Variants in RIPOR3 observed in about 807,000 individuals in gnomAD.
RIPOR3 encodes the protein RIPOR family member 3, also known as family with sequence similarity 65 member C.
A neutral mutation model predicts 114.3 loss-of-function variants in RIPOR3; 95 were observed. The ratio of observed to expected loss-of-function variants is 0.83; its 90% CI spans 0.70 to 0.99. The LOEUF is 0.99. RIPOR3 is among the 50% of genes least tolerant of loss of function. The pLI is 0.00. For synonymous variants in RIPOR3, 575 were observed against 543.8 expected (o/e 1.06, Z -0.80); for missense variants, 1,252 against 1,266.9 (o/e 0.99, Z 0.18).
At chr20:50,650,736 A>G (rs770707473) in intron 1 of RIPOR3, among the ~76,000 whole-genome samples, 1 of 152,126 alleles carries the variant, frequency 6.6e-6, no homozygotes, top group Non-Finnish European at 1.5e-5. Flanking sequence ...CACTATTGCT[A>G]TTGTTATTAT....
At chr20:50,615,524 C>CAAA (rs11474316) in intron 4 of RIPOR3, among the ~76,000 whole-genome samples, 1,265 of 58,286 alleles carry the variant, frequency 0.022, 33 homozygotes, top group African/African-American at 0.071. Context: ...AATCCTGTCT[C>CAAA]AAAAAAAAAA....
At chr20:50,637,309 C>A (rs1282091956) in intron 1 of RIPOR3, among the ~76,000 whole-genome samples, 1 of 152,130 alleles carries the variant, frequency 6.6e-6, no homozygotes, top group Non-Finnish European at 1.5e-5. Flanking sequence ...CCAGCCTTTG[C>A]CCTGGCTGTG....
chr20:50,587,959 G>C, intron 20 of RIPOR3, 67 bp from the exon 21 acceptor site: 1 of 1,480,948 alleles, frequency 6.8e-7, no homozygotes, highest in Non-Finnish European at 9.4e-7. Flanking sequence ...AGTCCACTTA[G>C]TGGCCCTGCA....
intron 1 of RIPOR3, among the ~76,000 whole-genome samples, chr20:50,678,930 T>G (rs917037571): frequency 6.7e-6 from 1 of 149,672 alleles, no homozygotes; most frequent in African/African-American, 2.5e-5. Context: ...AAAGTGAGAC[T>G]TCATCTCTAC....
chr20:50,608,024 C>T (rs932441138), intron 11 of RIPOR3, among the ~76,000 whole-genome samples: 1 of 152,122 alleles, frequency 6.6e-6, no homozygotes, highest in African/African-American at 2.4e-5. Flanking sequence ...GCCAAGGGGG[C>T]AGCCAGGGTC....
At chr20:50,627,828 C>G (rs2084677379) in intron 2 of RIPOR3, among the ~76,000 whole-genome samples, 1 of 152,190 alleles carries the variant, frequency 6.6e-6, no homozygotes, top group Non-Finnish European at 1.5e-5. Flanking sequence ...AACAGCAGAG[C>G]GTTCAATCAA....
chr20:50,592,689 T>A, intron 18 of RIPOR3, 143 bp from the exon 19 acceptor site: 1 of 756,706 alleles, frequency 1.3e-6, no homozygotes, highest in African/African-American at 1.8e-5. Context: ...CAGCCTGGAC[T>A]AATTTCACAG....
intron 11 of RIPOR3, among the ~76,000 whole-genome samples, chr20:50,606,966 G>A (rs1255941932): frequency 6.6e-6 from 1 of 152,194 alleles, no homozygotes; most frequent in African/African-American, 2.4e-5. Context: ...CTGACCTCGG[G>A]TGATCTGCCC....
intron 1 of RIPOR3, among the ~76,000 whole-genome samples, chr20:50,634,228 C>A (rs1382169288): frequency 6.6e-6 from 1 of 152,102 alleles, no homozygotes; most frequent in African/African-American, 2.4e-5. Flanking sequence ...GCGATCCACC[C>A]ACCTCAGCTT....
At chr20:50,605,824 G>C (rs1026518616) in intron 11 of RIPOR3, among the ~76,000 whole-genome samples, 1 of 152,028 alleles carries the variant, frequency 6.6e-6, no homozygotes, top group Non-Finnish European at 1.5e-5. Flanking sequence ...AGGAAATGGA[G>C]GCTTGGGCCT....
At position 50,630,701 on chromosome 20, in the gene RIPOR3, C is replaced by T. The variant is rs769063821; in HGVS notation, c.122+37G>A. The T allele has an allele frequency of 3.3e-6, 5 of 1,537,684 alleles. 1 individual carries two copies. Among genetic ancestry groups the T allele is most frequent in the Non-Finnish European group, 2.7e-6 (3 of 1,131,462 alleles). ...TTCCCCAGCCCATTAACAAGCCCCA[C>T]CCCTGCACCCCGAAACAGGACACGG... On this transcript the variant is annotated intron_variant, in intron 2 of 21. Coordinates refer to ENST00000327979, the MANE Select transcript of RIPOR3 (RefSeq NM_001290268.2).
At chr20:50,600,054 C>T (rs1264135021) in intron 13 of RIPOR3, among the ~76,000 whole-genome samples, 1 of 152,160 alleles carries the variant, frequency 6.6e-6, no homozygotes, top group East Asian at 1.9e-4. Flanking sequence ...GTGCACGCTA[C>T]CATGCTCAGC....
intron 4 of RIPOR3, among the ~76,000 whole-genome samples, chr20:50,613,787 G>T (rs540686742): frequency 6.6e-6 from 1 of 152,326 alleles, no homozygotes; most frequent in South Asian, 2.1e-4. Flanking sequence ...CATGTGAGAA[G>T]AGGGGCAGGT....
intron 7 of RIPOR3, 91 bp from the exon 8 acceptor site, chr20:50,609,447 C>T (rs900943178): frequency 1.5e-5 from 23 of 1,520,640 alleles, no homozygotes; most frequent in African/African-American, 2.8e-5. Flanking sequence ...AGGCCACAGG[C>T]AGAGAGACGC....
At chr20:50,682,612 A>ATGTGTGTGTGTGTGTGTGTG (rs71190593) in intron 1 of RIPOR3, among the ~76,000 whole-genome samples, 8,717 of 146,834 alleles carry the variant, frequency 0.059, 316 homozygotes, top group Non-Finnish European at 0.066. Flanking sequence ...GTCTCAAAAT[A>ATGTGTGTGTGTGTGTGTGTG]TGTGTGTGTG....
chr20:50,612,975 C>T (rs2123096859), intron 4 of RIPOR3, among the ~76,000 whole-genome samples: 1 of 152,276 alleles, frequency 6.6e-6, no homozygotes, highest in East Asian at 1.9e-4. Context: ...CACCTGTAGT[C>T]CCAGCTACTT....
intron 4 of RIPOR3, among the ~76,000 whole-genome samples, chr20:50,614,410 G>A (rs2084087393): frequency 6.6e-6 from 1 of 152,242 alleles, no homozygotes; most frequent in Admixed American, 6.5e-5. Context: ...CTGGTGGCCT[G>A]TTCTGCACAT....
rs750548535 is a variant in RIPOR3 at position 50,592,460 on chromosome 20, G to C, written c.2461C>G (p.Leu821Val). The C allele has an allele frequency of 2.5e-6, 4 of 1,612,064 alleles. No homozygotes were observed. In the South Asian group the frequency reaches 3.3e-5, roughly 13 times the overall value. Residue 821 changes from leucine (L) to valine (V), a missense_variant, in exon 19 of 22, where the codon CTG becomes GTG. By Grantham distance (32) the Leu-to-Val change is conservative. Transcript: ENST00000327979. ...GCCCAGGCTCTTAAGGTCTGGGGCAGAGGCTGGAGCTGGCCCAGCCGCTTC... is the reference window on the plus strand; with the variant it reads ...GCCCAGGCTCTTAAGGTCTGGGGCACAGGCTGGAGCTGGCCCAGCCGCTTC... The part of the protein sequence containing the change: ...QGKRLGQLQP[L>V]PQTLRAWALL...
chr20:50,621,759 A>G (rs930149468), intron 2 of RIPOR3, among the ~76,000 whole-genome samples: 1 of 152,108 alleles, frequency 6.6e-6, no homozygotes, highest in African/African-American at 2.4e-5. Flanking sequence ...CTAAAGCTGA[A>G]CCTGCCCGTG....
Sources: allele counts gnomAD v4.1 joint callset (sites outside exome capture counted in the v4.1 genomes callset), GRCh38; gene constraint gnomAD v4.1.1; transcripts MANE v1.5; gene names NCBI Gene and HGNC (gene_info 2026-07-23, HGNC 2026-07-21).